Variants in DCAF13 observed in about 807,000 individuals in gnomAD.
DCAF13 encodes DDB1 and CUL4 associated factor 13.
Under a neutral mutation model 59.0 loss-of-function variants are expected in DCAF13, and 38 were observed. That is an observed-to-expected ratio of 0.64 (90% confidence interval 0.50 to 0.84). DCAF13 has a LOEUF of 0.84. DCAF13 is among the 40% of genes least tolerant of loss of function. The pLI, the probability that DCAF13 is intolerant of heterozygous loss-of-function variation, is 0.00. For synonymous variants in DCAF13, 173 were observed against 175.0 expected (o/e 0.99, Z 0.09); for missense variants, 469 against 558.4 (o/e 0.84, Z 1.61).
intron 1 of DCAF13, among the ~76,000 whole-genome samples, chr8:103,417,392 A>G (rs574566917): frequency 1.3e-5 from 2 of 152,256 alleles, no homozygotes; most frequent in Non-Finnish European, 2.9e-5. Flanking sequence ...CTGTAATCCC[A>G]GCACTTTGGG....
rs1232972304 is a variant in DCAF13 at position 103,417,089 on chromosome 8, G to C, written c.70+1573G>C. Among the ~76,000 whole-genome samples the C allele has an allele frequency of 2.0e-5, 3 of 152,256 alleles. No homozygotes were observed. The South Asian group carries it at 6.2e-4, about 32-fold the overall frequency. ...GTGAAGTACAGGCATTCTGCACTTT[G>C]CACAGTACCATATTAACTGAACCAG... On this transcript the variant is annotated intron_variant, in intron 1 of 10. Coordinates refer to ENST00000612750, the MANE Select transcript of DCAF13 (RefSeq NM_015420.7).
At chr8:103,417,564 CCCAGGAGGCAGAGCTTG>C (rs1816638049) in intron 1 of DCAF13, among the ~76,000 whole-genome samples, 1 of 150,694 alleles carries the variant, frequency 6.6e-6, no homozygotes, top group South Asian at 2.1e-4. Flanking sequence ...ATGGTGTGAA[CCCAGGAGGCAGAGCTTG>C]CAGTGAGCCG....
At chr8:103,441,055 C>G (rs1817003471) in intron 9 of DCAF13, 1 of 163,638 alleles carries the variant, frequency 6.1e-6, no homozygotes, top group African/African-American at 2.4e-5. Flanking sequence ...AAGGGTAGTT[C>G]TTATGGAATT....
chr8:103,424,597 A>G (rs1816765810), intron 3 of DCAF13, among the ~76,000 whole-genome samples: 1 of 152,204 alleles, frequency 6.6e-6, no homozygotes, highest in Middle Eastern at 3.2e-3. Flanking sequence ...AACCCTTCCC[A>G]GAATTGGTGG....
At chr8:103,419,018 G>T (rs112338530) in intron 1 of DCAF13, among the ~76,000 whole-genome samples, 15,388 of 149,418 alleles carry the variant, frequency 0.1, 890 homozygotes, top group Middle Eastern at 0.24. Flanking sequence ...TGAGTAGCTG[G>T]GACTGCAGGC....
At chr8:103,438,128 T>C (rs1175149186) in intron 8 of DCAF13, among the ~76,000 whole-genome samples, 2 of 152,194 alleles carry the variant, frequency 1.3e-5, no homozygotes, top group Non-Finnish European at 2.9e-5. Flanking sequence ...GAACAGATTA[T>C]GTTTAATGGT....
intron 3 of DCAF13, among the ~76,000 whole-genome samples, chr8:103,425,406 CTG>C (rs1393944794): frequency 1.3e-5 from 2 of 152,168 alleles, no homozygotes; most frequent in Non-Finnish European, 2.9e-5. Context: ...GTTTTGCTCA[CTG>C]TTGCTTTTTT....
At chr8:103,418,856 A>ATATATT (rs1554630649) in intron 1 of DCAF13, among the ~76,000 whole-genome samples, 3 of 30,488 alleles carry the variant, frequency 9.8e-5, no homozygotes, top group African/African-American at 4.4e-4. Flanking sequence ...ATATATATAT[A>ATATATT]TATATATATA....
In DCAF13 at chr8:103,441,483, A is replaced by G. The variant is rs1817009507; in HGVS notation, c.1115A>G (p.Asp372Gly). 6.3e-7 allele frequency: 1 copy of G among 1,597,628 alleles called. No homozygotes were observed. The highest frequency in any genetic ancestry group is 8.5e-7 in the Non-Finnish European group (1 of 1,175,992). ...VLTSREKAAK[D>G]YNQKLKEKFQ... The stretch of plus-strand genomic sequence containing the variant: ...ACATCACGAGAAAAAGCAGCCAAGG[A>G]TTATAACCAGAAATTGAAGGAGAAA... The change falls in exon 10 of 11, where the codon GAT (aspartate) becomes GGT (glycine). Residue 372 changes from aspartate to glycine, a missense_variant. This residue lies in a region of DCAF13 where 30 missense variants were observed against 67.1 expected (regional missense o/e 0.45). Transcript: ENST00000612750.
chr8:103,420,206 A>T, intron 1 of DCAF13, 58 bp from the exon 2 acceptor site: 2 of 1,480,344 alleles, frequency 1.4e-6, no homozygotes, highest in Non-Finnish European at 1.9e-6. Flanking sequence ...TGATTAGCTG[A>T]GGAAGACTGC....
chr8:103,428,622 G>A (rs1253551799), intron 5 of DCAF13: 3 of 152,094 alleles, frequency 2.0e-5, no homozygotes, highest in Non-Finnish European at 2.9e-5. Flanking sequence ...CCTTTGCAGA[G>A]CAGGACCAAG....
intron 8 of DCAF13, 126 bp downstream of exon 8, chr8:103,435,916 C>T (rs777442182): frequency 1.1e-6 from 1 of 942,524 alleles, no homozygotes; most frequent in Admixed American, 1.9e-5. Context: ...TTAAACAAAA[C>T]TAGATGGTAT....
chr8:103,439,982 A>G (rs1422493663), intron 8 of DCAF13, 154 bp from the exon 9 acceptor site: 2 of 495,080 alleles, frequency 4.0e-6, no homozygotes, highest in African/African-American at 2.0e-5. Context: ...GAACCTTATT[A>G]GTTGGGTTCA....
At position 103,441,528 on chromosome 8, in the gene DCAF13, T is replaced by C. The variant is rs888457873; in HGVS notation, c.1160T>C (p.Ile387Thr). 3 of 1,608,604 alleles carry C rather than the reference T, an allele frequency of 1.9e-6. No individual in the cohort carries two copies. The highest frequency in any genetic ancestry group is 1.7e-5 in the Admixed American group (1 of 58,154). Residue 387 changes from isoleucine to threonine, a missense_variant, in exon 10 of 11, where the codon ATA becomes ACA. By Grantham distance (89) the Ile-to-Thr change is moderately conservative. Around this residue, in one of 3 missense-constraint regions of DCAF13, gnomAD observed 84 missense variants for 92.3 expected, o/e 0.91. Transcript: ENST00000612750. The stretch of plus-strand genomic sequence containing the variant: ...GAGAAATTTCAGCATTATCCTCATA[T>C]AAAACGTATAGCTCGTCATCGACAT... ...LKEKFQHYPH[I>T]KRIARHRHLP...
In DCAF13 at chr8:103,443,120, T is replaced by C; in HGVS notation, c.*238T>C. 1 of 321,928 alleles carries C rather than the reference T, an allele frequency of 3.1e-6. No individual in the cohort carries two copies. 19.9% of individuals were successfully genotyped at this position (321,928 alleles called of 1,614,324 possible). A position where few individuals can be genotyped will look rare whatever the true frequency, so the allele number is the denominator to read the frequency against. On this transcript the variant is annotated 3_prime_UTR_variant, in exon 11 of 11. Transcript: ENST00000612750. ...TGTAGAATACAGTATTTGCAACTCA[T>C]TTTTTCTTGTTTTTATTACAGATAT...
intron 10 of DCAF13, 197 bp downstream of exon 10, chr8:103,441,815 G>C: frequency 2.0e-6 from 1 of 505,332 alleles, no homozygotes; most frequent in Non-Finnish European, 3.3e-6. Context: ...TCTCGCTCTG[G>C]AGTGCAGTGG....
intron 5 of DCAF13, chr8:103,429,734 T>G (rs1404687282): frequency 1.3e-5 from 2 of 152,202 alleles, no homozygotes; most frequent in Non-Finnish European, 2.9e-5. Flanking sequence ...TTTATATAGC[T>G]AGGAAATACT....
At chr8:103,415,756 T>G (rs185521818) in intron 1 of DCAF13, among the ~76,000 whole-genome samples, 1 of 152,310 alleles carries the variant, frequency 6.6e-6, no homozygotes, top group African/African-American at 2.4e-5. Context: ...AACAGTTGTC[T>G]ATAGTGGAGA....
In DCAF13 at chr8:103,436,884, A is replaced by G. The variant is rs150795428; in HGVS notation, c.950+1094A>G. 3.9e-5 allele frequency among the ~76,000 whole-genome samples: 6 copies of G among 152,342 alleles called. No homozygotes were observed. In the East Asian group the frequency reaches 1.2e-3, roughly 29 times the overall value. The stretch of plus-strand genomic sequence containing the variant: ...AATTGGATGATCATGGTCATAGTCA[A>G]TCTGCTTATCTAACTCTTTGCTCTT... On this transcript the variant is annotated intron_variant, in intron 8 of 10. Coordinates refer to ENST00000612750, the MANE Select transcript of DCAF13 (RefSeq NM_015420.7).
Sources: allele counts gnomAD v4.1 joint callset (sites outside exome capture counted in the v4.1 genomes callset), GRCh38; gene constraint gnomAD v4.1.1; regional missense constraint gnomAD v4.1.1; transcripts MANE v1.5; gene names NCBI Gene and HGNC (gene_info 2026-07-23, HGNC 2026-07-21).